Variants in CFTR observed in about 807,000 individuals in gnomAD.
CFTR encodes cystic fibrosis transmembrane conductance regulator.
CFTR carries 181 observed loss-of-function variants against 171.6 expected under a neutral mutation model. The ratio of observed to expected loss-of-function variants is 1.05; its 90% CI spans 0.93 to 1.19. The LOEUF (loss-of-function observed/expected upper bound fraction) is 1.19, where lower values mean the gene tolerates loss of function less well. Ranked by LOEUF, CFTR falls within the 50% of genes most tolerant of loss-of-function variation. The pLI, the probability that CFTR is intolerant of heterozygous loss-of-function variation, is 0.00. For missense variants in CFTR, 1,968 were observed against 1,734.7 expected (o/e 1.13, Z -2.39); for synonymous variants, 583 against 608.0 (o/e 0.96, Z 0.60).
intron 11 of CFTR, among the ~76,000 whole-genome samples, chr7:117,571,017 A>T (rs1791680418): frequency 6.6e-6 from 1 of 152,186 alleles, no homozygotes; most frequent in South Asian, 2.1e-4. Flanking sequence ...TTTTTTCCAG[A>T]TCTTCTCCCA....
Position 117,504,552 on chromosome 7 carries a change from G to C in CFTR, c.164+189G>C, listed in dbSNP as rs541352199. ...GAGGATTGCTTGAGACCAGGAGTTT[G>C]ATACCAGCCTGGGCAACATAGCAAG... On this transcript the variant is annotated intron_variant, in intron 2 of 26. Transcript: ENST00000003084. 2.6e-5 allele frequency among the ~76,000 whole-genome samples: 4 copies of C among 152,164 alleles called. No individual in the cohort carries two copies. The East Asian group carries it at 7.7e-4, about 29-fold the overall frequency.
intron 11 of CFTR, among the ~76,000 whole-genome samples, chr7:117,580,189 A>G (rs1433989869): frequency 6.6e-6 from 1 of 152,106 alleles, no homozygotes; most frequent in African/African-American, 2.4e-5. Flanking sequence ...TAACATATGC[A>G]GCAAAAAAGG....
chr7:117,637,892 C>T (rs771574680), intron 22 of CFTR, among the ~76,000 whole-genome samples: 2 of 151,958 alleles, frequency 1.3e-5, no homozygotes, highest in Non-Finnish European at 2.9e-5. Context: ...AAAAAGAATG[C>T]TCTGGCATAT....
At chr7:117,616,936 T>C (rs1308982844) in intron 21 of CFTR, among the ~76,000 whole-genome samples, 1 of 152,180 alleles carries the variant, frequency 6.6e-6, no homozygotes, top group Non-Finnish European at 1.5e-5. Flanking sequence ...GCTAAACTTA[T>C]ACAGTAACTT....
intron 1 of CFTR, among the ~76,000 whole-genome samples, 180 bp from the exon 2 acceptor site, chr7:117,504,072 GT>G (rs528865724): frequency 6.6e-6 from 1 of 152,122 alleles, no homozygotes; most frequent in Non-Finnish European, 1.5e-5. Context: ...AGATATTGAT[GT>G]TTTATACAGG....
rs1792636964 is a variant in CFTR, at chr7:117,625,444, T to C, written c.3469-2078T>C. 5.9e-5 allele frequency among the ~76,000 whole-genome samples: 9 copies of C among 152,292 alleles called. No individual in the cohort carries two copies. The South Asian group carries it at 1.9e-3, about 32-fold the overall frequency. ...AACATTGTATGTTACATTCCAGTGC[T>C]ACCAAAATAGTGGTTTTGAAAGTCC... is the stretch of plus-strand genomic sequence containing the variant. On this transcript the variant is annotated intron_variant, in intron 21 of 26. Transcript: ENST00000003084.
At chr7:117,519,385 C>G (rs2116655065) in intron 3 of CFTR, among the ~76,000 whole-genome samples, 1 of 152,136 alleles carries the variant, frequency 6.6e-6, no homozygotes, top group African/African-American at 2.4e-5. Flanking sequence ...AAAATTGACA[C>G]TCACTTTTAC....
chr7:117,646,637 G>A (rs1793000154), intron 23 of CFTR, among the ~76,000 whole-genome samples: 1 of 152,222 alleles, frequency 6.6e-6, no homozygotes, highest in South Asian at 2.1e-4. Flanking sequence ...AAAGGGTGGT[G>A]GAGGACACTG....
intron 15 of CFTR, among the ~76,000 whole-genome samples, chr7:117,596,995 C>T (rs531627651): frequency 2.1e-4 from 32 of 152,294 alleles, no homozygotes; most frequent in African/African-American, 7.7e-4. Context: ...CTCTGTAAAA[C>T]CAATCTGCTG....
intron 3 of CFTR, among the ~76,000 whole-genome samples, chr7:117,524,553 A>G (rs1727853165): frequency 6.6e-6 from 1 of 152,240 alleles, no homozygotes; most frequent in Non-Finnish European, 1.5e-5. Flanking sequence ...TTATGTTTGT[A>G]ATGCAGATAT....
At chr7:117,508,695 C>T (rs1798461902) in intron 2 of CFTR, among the ~76,000 whole-genome samples, 2 of 152,170 alleles carry the variant, frequency 1.3e-5, no homozygotes, top group Admixed American at 6.5e-5. Context: ...TTTTTTCCAC[C>T]TTGTTCTAAG....
At chr7:117,537,399 A>ATT (rs3840656) in intron 7 of CFTR, among the ~76,000 whole-genome samples, 3 of 152,094 alleles carry the variant, frequency 2.0e-5, no homozygotes, top group Admixed American at 1.3e-4. Flanking sequence ...CAATGAGACC[A>ATT]TTTTTCTTCA....
intron 11 of CFTR, among the ~76,000 whole-genome samples, chr7:117,562,188 C>A (rs947264764): frequency 1.3e-5 from 2 of 152,096 alleles, no homozygotes; most frequent in Non-Finnish European, 2.9e-5. Context: ...GATAGTATTT[C>A]TTCTACTTAT....
chr7:117,487,387 A>G (rs1471555159), intron 1 of CFTR, among the ~76,000 whole-genome samples: 2 of 152,116 alleles, frequency 1.3e-5, no homozygotes, highest in African/African-American at 4.8e-5. Context: ...ACTCTCCTAT[A>G]TAACCTGCTA....
rs965265631 is a variant in CFTR at position 117,633,643 on chromosome 7, GT to G, written c.3717+5885del. 5.2e-3 allele frequency among the ~76,000 whole-genome samples: 750 copies of G among 145,066 alleles called. 1 individual carries two copies. The highest frequency in any genetic ancestry group is 0.022 in the Middle Eastern group (6 of 276). On this transcript the variant is annotated intron_variant, in intron 22 of 26. Transcript: ENST00000003084. ...TTTTAGCTGGAGGGTTTTTGTAGAAGTTTTTTTTTTTTAAGTTGAAGAAGTC... is the reference window on the plus strand; with the variant it reads ...TTTTAGCTGGAGGGTTTTTGTAGAAGTTTTTTTTTTTAAGTTGAAGAAGTC...
At chr7:117,599,857 G>A (rs1306620019) in intron 15 of CFTR, among the ~76,000 whole-genome samples, 1 of 151,930 alleles carries the variant, frequency 6.6e-6, no homozygotes, top group Non-Finnish European at 1.5e-5. Flanking sequence ...CCATTGAAAT[G>A]TCTCATGAGC....
At chr7:117,524,455 A>T (rs1798740342) in intron 3 of CFTR, among the ~76,000 whole-genome samples, 2 of 152,128 alleles carry the variant, frequency 1.3e-5, no homozygotes, top group African/African-American at 4.8e-5. Flanking sequence ...ATGAAAAACA[A>T]CATAATATAG....
chr7:117,540,354 A>G lies in CFTR; in HGVS notation c.1116+8A>G, dbSNP rs1479471523. On this transcript the variant is annotated splice_region_variant and intron_variant, in intron 8 of 26. Transcript: ENST00000003084. Reference sequence around the variant, plus strand: ...GCAATAAACAAAATACAGGTAATGTACCATAATGCTGCATTATATACTATG... The same window carrying G: ...GCAATAAACAAAATACAGGTAATGTGCCATAATGCTGCATTATATACTATG... The G allele has an allele frequency of 1.2e-6, 2 of 1,611,408 alleles. No homozygotes were observed. The highest frequency in any genetic ancestry group is 1.7e-6 in the Non-Finnish European group (2 of 1,177,650).
chr7:117,586,063 AAAG>A (rs1472305312), intron 11 of CFTR: 7 of 152,202 alleles, frequency 4.6e-5, no homozygotes, highest in Admixed American at 1.3e-4. Flanking sequence ...CAGCCTCACT[AAAG>A]GAGCACTTGC....
Sources: gnomAD v4.1 joint callset for allele counts (sites outside exome capture counted in the v4.1 genomes callset) on GRCh38, gnomAD v4.1.1 for gene constraint, MANE v1.5 for transcripts, NCBI Gene and HGNC (gene_info 2026-07-23, HGNC 2026-07-21) for gene names.